Variants in PIBF1 observed in about 807,000 individuals in gnomAD.
PIBF1 encodes the protein progesterone-induced-blocking factor 1.
A neutral mutation model predicts 112.5 loss-of-function variants in PIBF1; 90 were observed. The observed-to-expected ratio is 0.80, with a 90% CI of 0.67 to 0.95. The LOEUF (loss-of-function observed/expected upper bound fraction) is 0.95, where lower values mean the gene tolerates loss of function less well. PIBF1 is among the 40% of genes least tolerant of loss of function. PIBF1 has a pLI of 0.00. For missense variants in PIBF1, 915 were observed against 852.3 expected (o/e 1.07, Z -0.92); for synonymous variants, 301 against 288.6 (o/e 1.04, Z -0.44).
At chr13:72,790,510 C>CATAGATAGATAGATAG (rs3078582) in intron 2 of PIBF1, among the ~76,000 whole-genome samples, 2 of 140,044 alleles carry the variant, frequency 1.4e-5, no homozygotes, top group Non-Finnish European at 3.0e-5. Flanking sequence ...CACACACACA[C>CATAGATAGATAGATAG]ATAGATAGAT....
Position 72,869,873 on chromosome 13 carries a change from G to C in PIBF1, c.1322+15718G>C, listed in dbSNP as rs2039090715. 2.0e-5 allele frequency among the ~76,000 whole-genome samples: 3 copies of C among 151,838 alleles called. No homozygotes were observed. In the South Asian group the frequency reaches 6.2e-4, roughly 32 times the overall value. Reference sequence around the variant, plus strand: ...CCACTAGAGCAGTATTGACTTAAATGGCTCAAATATTTCATGAGTTTTCAA... The same window carrying C: ...CCACTAGAGCAGTATTGACTTAAATCGCTCAAATATTTCATGAGTTTTCAA... On this transcript the variant is annotated intron_variant, in intron 10 of 17. Coordinates refer to ENST00000326291, the MANE Select transcript of PIBF1 (RefSeq NM_006346.4).
intron 5 of PIBF1, among the ~76,000 whole-genome samples, chr13:72,805,285 G>T (rs1014243219): frequency 2.6e-5 from 4 of 152,184 alleles, no homozygotes; most frequent in Non-Finnish European, 5.9e-5. Context: ...TGGGACTACA[G>T]GCACACGCCA....
At chr13:72,802,330 G>A (rs186674263) in intron 5 of PIBF1, among the ~76,000 whole-genome samples, 4 of 152,238 alleles carry the variant, frequency 2.6e-5, no homozygotes, top group Non-Finnish European at 5.9e-5. Context: ...CCTGGATAAT[G>A]TTTTTTAAAG....
rs35211035 is a variant in PIBF1 at position 72,827,238 on chromosome 13, A to ATT, written c.915+146_915+147dup. The ATT allele has an allele frequency of 2.6e-3, 363 of 141,862 alleles. 9 individuals are homozygous for ATT. The highest frequency in any genetic ancestry group is 6.6e-3 in the African/African-American group (147 of 22,180). The allele number at this position is 141,862 out of a possible 1,614,324, so 8.8% of individuals were successfully genotyped here. A position where few individuals can be genotyped will look rare whatever the true frequency, so the allele number is the denominator to read the frequency against. On this transcript the variant is annotated intron_variant, in intron 7 of 17. Transcript: ENST00000326291. ...TATGTAGTTCCTCCCAAAAAGATAA[A>ATT]TTTTTTTTTTTTTTTTTTTTTTTTT...
chr13:72,927,994 CACATATATATACATATATAT>C (rs1286319056), intron 13 of PIBF1, among the ~76,000 whole-genome samples: 25 of 79,952 alleles, frequency 3.1e-4, no homozygotes, highest in Admixed American at 2.8e-3. Context: ...TATATACACA[CACATATATATACATATATAT>C]ACATATATAT....
At chr13:72,901,873 A>G in intron 11 of PIBF1, among the ~76,000 whole-genome samples, 1 of 152,184 alleles carries the variant, frequency 6.6e-6, no homozygotes, top group Non-Finnish European at 1.5e-5. Context: ...TACCCAAAGG[A>G]AAATAAGTCA....
chr13:72,821,834 T>A lies in PIBF1; in HGVS notation c.673-15T>A. On this transcript the variant is annotated splice_polypyrimidine_tract_variant and intron_variant, in intron 5 of 17. Coordinates refer to ENST00000326291, the MANE Select transcript of PIBF1 (RefSeq NM_006346.4). ...TGTTTAGTCTGAAATGTGTTATTAT[T>A]CCTTTGGTTTATAGACATATGAGGA... 6.3e-7 allele frequency: 1 copy of A among 1,595,960 alleles called. No homozygotes were observed.
At chr13:72,923,347 G>A (rs1052856870) in intron 13 of PIBF1, among the ~76,000 whole-genome samples, 2 of 152,162 alleles carry the variant, frequency 1.3e-5, no homozygotes, top group Non-Finnish European at 2.9e-5. Flanking sequence ...GCATCAAGAA[G>A]TGCTAAGAGA....
chr13:72,875,143 G>C (rs142927092), intron 10 of PIBF1, among the ~76,000 whole-genome samples: 1 of 152,126 alleles, frequency 6.6e-6, no homozygotes, highest in Non-Finnish European at 1.5e-5. Flanking sequence ...TTTTCAAAAT[G>C]TCATAATCAT....
intron 4 of PIBF1, 56 bp from the exon 5 acceptor site, chr13:72,797,851 C>T: frequency 1.4e-6 from 2 of 1,417,620 alleles, no homozygotes; most frequent in Non-Finnish European, 1.9e-6. Context: ...CTACAAATTA[C>T]AAATTTTAAT....
intron 10 of PIBF1, among the ~76,000 whole-genome samples, chr13:72,881,428 AAAG>A (rs764278541): frequency 3.3e-5 from 5 of 152,160 alleles, no homozygotes; most frequent in Non-Finnish European, 5.9e-5. Flanking sequence ...GGAATTAAAC[AAAG>A]AAGTGGCCGG....
intron 14 of PIBF1, among the ~76,000 whole-genome samples, chr13:72,936,685 T>C (rs1020558957): frequency 1.3e-5 from 2 of 152,194 alleles, no homozygotes; most frequent in Non-Finnish European, 2.9e-5. Context: ...TTGATTGCTG[T>C]AGCTTTATAA....
At chr13:72,800,773 T>C (rs2035431496) in intron 5 of PIBF1, among the ~76,000 whole-genome samples, 1 of 152,088 alleles carries the variant, frequency 6.6e-6, no homozygotes, top group Non-Finnish European at 1.5e-5. Flanking sequence ...GGGAAAACAA[T>C]AGCAAATCAT....
At chr13:72,973,269 C>T (rs2042940806) in intron 15 of PIBF1, among the ~76,000 whole-genome samples, 1 of 140,906 alleles carries the variant, frequency 7.1e-6, no homozygotes, top group Non-Finnish European at 1.5e-5. Context: ...GGCAACACAG[C>T]AAGACTCCAT....
chr13:73,009,998 TA>T (rs35311565), intron 17 of PIBF1, among the ~76,000 whole-genome samples: 2 of 152,188 alleles, frequency 1.3e-5, no homozygotes, highest in Admixed American at 1.3e-4. Flanking sequence ...ATAGTAGTAG[TA>T]AAAAGTTTAG....
intron 16 of PIBF1, among the ~76,000 whole-genome samples, chr13:72,991,121 A>T (rs1278442363): frequency 2.0e-5 from 3 of 152,214 alleles, no homozygotes; most frequent in African/African-American, 7.2e-5. Flanking sequence ...TCAGCAATTT[A>T]TTGGCATCAA....
intron 14 of PIBF1, among the ~76,000 whole-genome samples, chr13:72,934,090 C>T (rs2041792283): frequency 6.6e-6 from 1 of 152,030 alleles, no homozygotes; most frequent in South Asian, 2.1e-4. Context: ...TAACTTTTCC[C>T]TTAAGATTGA....
At chr13:72,869,533 G>A (rs1466388283) in intron 10 of PIBF1, among the ~76,000 whole-genome samples, 1 of 151,222 alleles carries the variant, frequency 6.6e-6, no homozygotes, top group Non-Finnish European at 1.5e-5. Flanking sequence ...GAGTTAATGG[G>A]TGCAGCACAC....
At chr13:72,930,215 T>C (rs1244751633) in intron 13 of PIBF1, among the ~76,000 whole-genome samples, 2 of 152,198 alleles carry the variant, frequency 1.3e-5, no homozygotes, top group African/African-American at 2.4e-5. Flanking sequence ...TTGGGAAATA[T>C]TAAAATACAA....
Sources: allele counts gnomAD v4.1 joint callset (sites outside exome capture counted in the v4.1 genomes callset), GRCh38; gene constraint gnomAD v4.1.1; transcripts MANE v1.5; gene names NCBI Gene and HGNC (gene_info 2026-07-23, HGNC 2026-07-21).